Variants in BAG1 observed in about 807,000 individuals in gnomAD.
BAG1 encodes BAG cochaperone 1.
In BAG1, 35 loss-of-function variants were observed where a neutral mutation model predicts 35.5. That is an observed-to-expected ratio of 0.99 (90% CI 0.75 to 1.31). The LOEUF is 1.31. BAG1 is among the 50% of genes most tolerant of loss of function. The pLI, the probability that BAG1 is intolerant of heterozygous loss-of-function variation, is 0.00. For missense variants in BAG1, 464 were observed against 453.6 expected, an observed-to-expected ratio of 1.02 and a Z score of -0.21; for synonymous variants, 191 against 178.9, an observed-to-expected ratio of 1.07 and a Z score of -0.54.
At position 33,255,165 on chromosome 9, in the gene BAG1, G is replaced by A. The variant is rs150652735; in HGVS notation, c.*54C>T. Reference sequence around the variant, plus strand: ...ATCAGGTAAATTCCGCTCCAGAGACGGCAGAGCTGGTGGCGCCATTCTTCA... The same window carrying A: ...ATCAGGTAAATTCCGCTCCAGAGACAGCAGAGCTGGTGGCGCCATTCTTCA... On this transcript the variant is annotated 3_prime_UTR_variant, in exon 7 of 7. Transcript: ENST00000634734. 931 of 1,614,120 alleles carry A rather than the reference G, an allele frequency of 5.8e-4. 8 individuals are homozygous for A. The East Asian group carries it at 0.016, about 28-fold the overall frequency.
chr9:33,257,926 T>C (rs1051317471), intron 4 of BAG1: 1 of 152,168 alleles, frequency 6.6e-6, no homozygotes, highest in Non-Finnish European at 1.5e-5. Context: ...GGGTAATTTT[T>C]ATTTTCCATA....
intron 2 of BAG1, chr9:33,262,024 T>C (rs1236159751): frequency 8.3e-7 from 1 of 1,198,052 alleles, no homozygotes; most frequent in African/African-American, 1.6e-5. Context: ...AAGAAAATGA[T>C]TATTTAATAG....
In BAG1 at chr9:33,264,693, C is replaced by G. The variant is rs1456561267; in HGVS notation, c.-19G>C. ...GAGCCAGGCCCGCACTTGTTGACCG[C>G]CCAGCGATGGAAGCTGAGCGCGGCG... On this transcript the variant is annotated 5_prime_UTR_variant, in exon 1 of 7. Transcript: ENST00000634734. The G allele has an allele frequency of 5.1e-6, 7 of 1,360,770 alleles. No homozygotes were observed. Among genetic ancestry groups the G allele is most frequent in the Non-Finnish European group, 6.6e-6 (7 of 1,063,220 alleles). The allele number at this position is 1,360,770 out of a possible 1,614,324, so 84.3% of individuals were successfully genotyped here. A position where few individuals can be genotyped will look rare whatever the true frequency, so the allele number is the denominator to read the frequency against.
At chr9:33,256,944 T>C (rs1179361004) in intron 4 of BAG1, 36 bp from the exon 5 acceptor site, 2 of 1,532,604 alleles carry the variant, frequency 1.3e-6, no homozygotes, top group African/African-American at 1.4e-5. Context: ...AAGGGTTCTC[T>C]GAGGCTGACG....
At chr9:33,257,948 A>C (rs1292006460) in intron 4 of BAG1, 2 of 146,926 alleles carry the variant, frequency 1.4e-5, no homozygotes, top group African/African-American at 4.9e-5. Context: ...TAGTGCCTAT[A>C]CATGTACTTA....
chr9:33,262,830 C>T lies in BAG1; in HGVS notation c.452G>A (p.Ser151Asn), dbSNP rs749244506. 2.5e-6 allele frequency: 4 copies of T among 1,611,392 alleles called. No homozygotes were observed. Among genetic ancestry groups the T allele is most frequent in the South Asian group, 2.2e-5 (2 of 90,512 alleles). The change falls in exon 2 of 7, where the codon AGC becomes AAC. Residue 151 changes from serine to asparagine, a missense_variant and splice_region_variant. Ser to Asn is a conservative substitution (Grantham distance 46). Transcript: ENST00000634734. ...AACATGAAGGTCGTGCTTCTCATTGCCTGGGGAGAAAGAAAAGCATTTGAC... is the reference window on the plus strand; with the variant it reads ...AACATGAAGGTCGTGCTTCTCATTGTCTGGGGAGAAAGAAAAGCATTTGAC...
At chr9:33,256,561 A>G (rs757958983) in intron 5 of BAG1, among the ~76,000 whole-genome samples, 1 of 152,242 alleles carries the variant, frequency 6.6e-6, no homozygotes, top group East Asian at 1.9e-4. Flanking sequence ...ACTGGCAAAC[A>G]TAAGTGTAAA....
chr9:33,255,324 G>T lies in BAG1; in HGVS notation c.949-16C>A, dbSNP rs369437844. 2 of 1,613,924 alleles carry T rather than the reference G, an allele frequency of 1.2e-6. No individual in the cohort carries two copies. Among genetic ancestry groups the T allele is most frequent in the Non-Finnish European group, 1.7e-6 (2 of 1,180,026 alleles). On this transcript the variant is annotated splice_polypyrimidine_tract_variant and intron_variant, in intron 6 of 6. Coordinates refer to ENST00000634734, the MANE Select transcript of BAG1 (RefSeq NM_004323.6). Reference sequence around the variant, plus strand: ...CTAGGAATGCCTAGAAAATACACACGGGGCAGTAAGGGCCCATCCAGGGGT... The same window carrying T: ...CTAGGAATGCCTAGAAAATACACACTGGGCAGTAAGGGCCCATCCAGGGGT...
chr9:33,253,598 G>T lies in BAG1; in HGVS notation c.*1621C>A, dbSNP rs1216324296. ...TCCACAAGTCTACCTCTACTACCTT[G>T]TCTGAGGTCTTAACCTGCCCAGTCC... On this transcript the variant is annotated 3_prime_UTR_variant, in exon 7 of 7. Coordinates refer to ENST00000634734, the MANE Select transcript of BAG1 (RefSeq NM_004323.6). The T allele has an allele frequency of 7.9e-5, 12 of 152,062 alleles. 1 individual carries two copies. Among genetic ancestry groups the T allele is most frequent in the Admixed American group, 7.9e-4 (12 of 15,254 alleles). The allele number at this position is 152,062 out of a possible 1,614,324, so 9.4% of individuals were successfully genotyped here.
chr9:33,261,197 T>G, intron 2 of BAG1, 28 bp from the exon 3 acceptor site: 1 of 1,497,256 alleles, frequency 6.7e-7, no homozygotes, highest in Non-Finnish European at 9.2e-7. Flanking sequence ...GTAGGCCAAG[T>G]TGTAATAATT....
chr9:33,261,086 C>A lies in BAG1; in HGVS notation c.663+1G>T. 1 of 1,602,204 alleles carries A rather than the reference C, an allele frequency of 6.2e-7. No homozygotes were observed. The highest frequency in any genetic ancestry group is 8.5e-7 in the Non-Finnish European group (1 of 1,173,400). ...GATTTCTGATGGAAAAAGCAATTTA[C>A]CTTTTTCCCAATTAACATGACCCGG... On this transcript the variant is annotated splice_donor_variant, in intron 3 of 6. Coordinates refer to ENST00000634734, the MANE Select transcript of BAG1 (RefSeq NM_004323.6). LOFTEE classifies it high-confidence loss of function.
chr9:33,256,277 GC>G (rs1472272093), intron 5 of BAG1, among the ~76,000 whole-genome samples: 1 of 152,196 alleles, frequency 6.6e-6, no homozygotes, highest in Non-Finnish European at 1.5e-5. Context: ...GCCTGCTGCT[GC>G]TTCTTTACAC....
intron 1 of BAG1, 26 bp downstream of exon 1, chr9:33,264,198 G>T: frequency 6.4e-7 from 1 of 1,571,630 alleles, no homozygotes. Flanking sequence ...GACCTGCATG[G>T]AGCCCACCTG....
In BAG1 at chr9:33,261,664, A is replaced by AT. The variant is rs566160550; in HGVS notation, c.581-496dup. On this transcript the variant is annotated intron_variant, in intron 2 of 6. Coordinates refer to ENST00000634734, the MANE Select transcript of BAG1 (RefSeq NM_004323.6). ...TGTCTTTATAATTCAGAAATAAAAT[A>AT]TTTTTAAAAATTAAAGACAATATGT... is the stretch of plus-strand genomic sequence containing the variant. Among the ~76,000 whole-genome samples, 942 of 152,342 alleles carry AT rather than the reference A, an allele frequency of 6.2e-3. 15 individuals carry two copies. Among genetic ancestry groups the AT allele is most frequent in the African/African-American group, 0.021 (874 of 41,578 alleles).
intron 2 of BAG1, chr9:33,262,354 G>A (rs972110412): frequency 3.3e-5 from 39 of 1,184,222 alleles, no homozygotes; most frequent in East Asian, 1.2e-4. Context: ...AGGAAAAGCC[G>A]GAAAAGAAAT....
chr9:33,253,111 A>G lies in BAG1; in HGVS notation c.*2108T>C, dbSNP rs1159408104. 1 of 152,216 alleles carries G rather than the reference A, an allele frequency of 6.6e-6. No individual in the cohort carries two copies. Among genetic ancestry groups the G allele is most frequent in the Non-Finnish European group, 1.5e-5 (1 of 68,060 alleles). The allele number at this position is 152,216 out of a possible 1,614,324, so 9.4% of individuals were successfully genotyped here. ...ACTGACATGGCAAGATTTGCACTTCATGATCACTCGGGCTGCTCTAAAGAA... is the reference window on the plus strand; with the variant it reads ...ACTGACATGGCAAGATTTGCACTTCGTGATCACTCGGGCTGCTCTAAAGAA... On this transcript the variant is annotated 3_prime_UTR_variant, in exon 7 of 7. Coordinates refer to ENST00000634734, the MANE Select transcript of BAG1 (RefSeq NM_004323.6).
At chr9:33,259,160 AG>A in intron 3 of BAG1, 127 bp from the exon 4 acceptor site, 2 of 655,298 alleles carry the variant, frequency 3.1e-6, no homozygotes, top group Non-Finnish European at 2.6e-6. Flanking sequence ...CAGGAGTTCA[AG>A]ACCAGCCTGG....
At position 33,253,548 on chromosome 9, in the gene BAG1, G is replaced by A. The variant is rs978073627; in HGVS notation, c.*1671C>T. The A allele has an allele frequency of 6.6e-6, 1 of 152,178 alleles. No homozygotes were observed. Among genetic ancestry groups the A allele is most frequent in the African/African-American group, 2.4e-5 (1 of 41,440 alleles). The allele number at this position is 152,178 out of a possible 1,614,324, so 9.4% of individuals were successfully genotyped here. On this transcript the variant is annotated 3_prime_UTR_variant, in exon 7 of 7. Coordinates refer to ENST00000634734, the MANE Select transcript of BAG1 (RefSeq NM_004323.6). The stretch of plus-strand genomic sequence containing the variant: ...GAACCACTCTGATTAAAGTTGGGGT[G>A]CGGTGGGCTGGGACCCGAGCCTTGT...
rs761885636 is a variant in BAG1 at position 33,264,516 on chromosome 9, G to A, written c.159C>T (p.Ala53=). The A allele has an allele frequency of 2.5e-6, 4 of 1,597,188 alleles. No homozygotes were observed. The African/African-American group carries it at 4.0e-5, about 16-fold the overall frequency. ...CCCTGGTGGGTCGGTCATGCCCGCT[G>A]GCAGTACTCCGGGCAGGTGGACGCC... Residue 53 remains alanine (A), a synonymous_variant, in exon 1 of 7, where the codon GCC becomes GCT. Transcript: ENST00000634734.
Sources: gnomAD v4.1 joint callset for allele counts (sites outside exome capture counted in the v4.1 genomes callset) on GRCh38, gnomAD v4.1.1 for gene constraint, MANE v1.5 for transcripts, NCBI Gene and HGNC (gene_info 2026-07-23, HGNC 2026-07-21) for gene names.